ALOX12: variants seen among roughly 807,000 people sequenced by gnomAD.
ALOX12 encodes arachidonate 12-lipoxygenase, 12S type.
Under a neutral mutation model 85.5 loss-of-function variants are expected in ALOX12, and 62 were observed. The ratio of observed to expected loss-of-function variants is 0.73; its 90% CI spans 0.59 to 0.90. The LOEUF is 0.90. Among genes scored for constraint, ALOX12 ranks in the 40% least tolerant of loss-of-function variants. The pLI, the probability that ALOX12 is intolerant of heterozygous loss-of-function variation, is 0.00. For missense variants in ALOX12, 751 were observed against 856.5 expected (o/e 0.88, Z 1.54); for synonymous variants, 299 against 332.7 (o/e 0.90, Z 1.10).
rs1026092589 is a variant in ALOX12 at position 7,010,504 on chromosome 17, AG to A, written c.*82del. On this transcript the variant is annotated 3_prime_UTR_variant, in exon 14 of 14. Coordinates refer to ENST00000251535, the MANE Select transcript of ALOX12 (RefSeq NM_000697.3). The stretch of plus-strand genomic sequence containing the variant: ...TATCTTGAATTTCATGCTTTCCTAA[AG>A]TCTCTGCTGCTAAGGCTCTATTTCC... 4.0e-6 allele frequency: 6 copies of A among 1,507,602 alleles called. No homozygotes were observed. The African/African-American group carries it at 8.3e-5, about 21-fold the overall frequency. 93.4% of individuals were successfully genotyped at this position (1,507,602 alleles called of 1,614,324 possible). A position where few individuals can be genotyped will look rare whatever the true frequency, so the allele number is the denominator to read the frequency against.
chr17:7,004,160 A>T (rs1597323131), intron 8 of ALOX12, among the ~76,000 whole-genome samples: 1 of 115,406 alleles, frequency 8.7e-6, no homozygotes, highest in African/African-American at 3.2e-5. Context: ...ATAAATTTAA[A>T]TTTAAAATTT....
At chr17:7,007,868 G>A (rs567746630) in intron 11 of ALOX12, among the ~76,000 whole-genome samples, 2 of 151,964 alleles carry the variant, frequency 1.3e-5, no homozygotes, top group Non-Finnish European at 2.9e-5. Context: ...GCAACAGAGC[G>A]AAACTCCGTC....
rs1199547567 is a variant in ALOX12, at chr17:6,996,218, A to G, written c.101A>G (p.Glu34Gly). The change falls in exon 1 of 14, where the codon GAG (glutamate) becomes GGG (glycine). Residue 34 changes from glutamate (E) to glycine (G), a missense_variant. Transcript: ENST00000251535. Reference protein sequence around the residue: ...LWLVGTRGEAELELQLRPARG... With the variant: ...LWLVGTRGEAGLELQLRPARG... ...CTGGTCGGGACGCGCGGGGAGGCGG[A>G]GCTGGAGCTGCAGCTGCGGCCCGCG... The G allele has an allele frequency of 3.2e-6, 4 of 1,249,554 alleles. No individual in the cohort carries two copies. The highest frequency in any genetic ancestry group is 3.2e-5 in the East Asian group (1 of 31,664). 77.4% of individuals were successfully genotyped at this position (1,249,554 alleles called of 1,614,324 possible).
In ALOX12 at chr17:7,000,462, C is replaced by A; in HGVS notation, c.934C>A (p.Gln312Lys). The change falls in exon 7 of 14, where the codon CAG (glutamine) becomes AAG (lysine). Residue 312 changes from glutamine to lysine, a missense_variant. Transcript: ENST00000251535. The surrounding 1 kb of genome is among the most constrained non-coding windows in gnomAD (Gnocchi z 4.6). ...MLKMEPNGKLQPMVIQIQPPN... is the reference protein window; with the variant it reads ...MLKMEPNGKLKPMVIQIQPPN... ...GAAGATGGAGCCCAATGGGAAGCTG[C>A]AGCCCATGGTCATCCAGGTAAGGGC... The A allele has an allele frequency of 1.2e-6, 2 of 1,613,928 alleles. No homozygotes were observed. Among genetic ancestry groups the A allele is most frequent in the Non-Finnish European group, 1.7e-6 (2 of 1,179,984 alleles).
rs1038071831 is a variant in ALOX12 at position 6,996,301 on chromosome 17, AGGCCCGGGCCGAGCTG to A, written c.135+53_135+68del. The A allele has an allele frequency of 4.9e-6, 6 of 1,217,722 alleles. No homozygotes were observed. In the African/African-American group the frequency reaches 9.5e-5, roughly 19 times the overall value. 75.4% of individuals were successfully genotyped at this position (1,217,722 alleles called of 1,614,324 possible). A position where few individuals can be genotyped will look rare whatever the true frequency, so the allele number is the denominator to read the frequency against. On this transcript the variant is annotated intron_variant, in intron 1 of 13. Coordinates refer to ENST00000251535, the MANE Select transcript of ALOX12 (RefSeq NM_000697.3). ...CTAGGGCAGCGGGGACCCCGGGCCCAGGCCCGGGCCGAGCTGGGCTCGCGGCGGGAGGGCGGGAGGC... is the reference window on the plus strand; with the variant it reads ...CTAGGGCAGCGGGGACCCCGGGCCCAGGCTCGCGGCGGGAGGGCGGGAGGC...
At chr17:6,997,762 G>A (rs1008714695) in intron 2 of ALOX12, among the ~76,000 whole-genome samples, 7 of 151,798 alleles carry the variant, frequency 4.6e-5, no homozygotes, top group African/African-American at 1.2e-4. Flanking sequence ...GAGTTTCACC[G>A]TATTAGCCAG....
At chr17:6,999,148 G>T (rs1048932819) in intron 5 of ALOX12, 92 bp downstream of exon 5, 37 of 1,492,852 alleles carry the variant, frequency 2.5e-5, no homozygotes, top group Non-Finnish European at 3.4e-5. Flanking sequence ...TTTGCAAGAA[G>T]AGACCTTATC....
intron 10 of ALOX12, among the ~76,000 whole-genome samples, 181 bp from the exon 11 acceptor site, chr17:7,006,305 T>A (rs1909075322): frequency 6.6e-6 from 1 of 151,940 alleles, no homozygotes; most frequent in South Asian, 2.1e-4. Flanking sequence ...ACCATGCGAA[T>A]TCCTAGAACT....
chr17:7,001,863 C>G, intron 8 of ALOX12, 52 bp downstream of exon 8: 1 of 1,507,000 alleles, frequency 6.6e-7, no homozygotes. Context: ...GAGAGAGGAA[C>G]AGCCCCATAT....
chr17:6,996,460 T>A (rs1908443478), intron 1 of ALOX12, among the ~76,000 whole-genome samples: 1 of 151,938 alleles, frequency 6.6e-6, no homozygotes, highest in African/African-American at 2.4e-5. Context: ...CAACCCCATC[T>A]CCCTTTCCCG....
intron 2 of ALOX12, among the ~76,000 whole-genome samples, chr17:6,997,852 G>A (rs1908530196): frequency 6.6e-6 from 1 of 152,056 alleles, no homozygotes; most frequent in African/African-American, 2.4e-5. Context: ...GAGCCACCAC[G>A]CCCGGCCCAA....
Position 6,999,631 on chromosome 17 carries a change from T to C in ALOX12, c.807+165T>C. On this transcript the variant is annotated intron_variant, in intron 6 of 13. Coordinates refer to ENST00000251535, the MANE Select transcript of ALOX12 (RefSeq NM_000697.3). ...AAATAAAATATGTAGGGGAAGAAAC[T>C]ATGAGGAGCTCCCAGCAGGAAGGGG... 4.5e-6 allele frequency: 3 copies of C among 673,914 alleles called. No homozygotes were observed. In the South Asian group the frequency reaches 6.1e-5, roughly 14 times the overall value. The allele number at this position is 673,914 out of a possible 1,614,324, so 41.7% of individuals were successfully genotyped here.
chr17:7,009,291 CCTCGTGAT>C (rs371387489), intron 11 of ALOX12, among the ~76,000 whole-genome samples: 70 of 151,770 alleles, frequency 4.6e-4, no homozygotes, highest in African/African-American at 1.7e-3. Context: ...GATCTCCTGA[CCTCGTGAT>C]CCGCCCATCT....
intron 8 of ALOX12, 108 bp from the exon 9 acceptor site, chr17:7,005,148 TA>T: frequency 2.1e-6 from 2 of 970,850 alleles, no homozygotes; most frequent in Non-Finnish European, 3.3e-6. Context: ...GATCAGCCTG[TA>T]AAGGAAAGCA....
chr17:7,002,305 T>C (rs13396), intron 8 of ALOX12: 200,498 of 342,200 alleles, frequency 0.59, 59,053 homozygotes, highest in Admixed American at 0.67. Context: ...TGCCCAACAG[T>C]AAGGTGGATA....
intron 1 of ALOX12, 32 bp downstream of exon 1, chr17:6,996,284 G>A (rs375051192): frequency 4.9e-5 from 60 of 1,225,628 alleles, no homozygotes; most frequent in Non-Finnish European, 5.9e-5. Context: ...AGCTAGGGCA[G>A]CGGGGACCCC....
chr17:7,005,156 A>C, intron 8 of ALOX12, 101 bp from the exon 9 acceptor site: 1 of 1,004,944 alleles, frequency 1.0e-6, no homozygotes, highest in Non-Finnish European at 1.6e-6. Context: ...TGTAAAGGAA[A>C]GCATCAAGAG....
intron 8 of ALOX12, chr17:7,002,472 T>A: frequency 2.1e-6 from 1 of 469,084 alleles, no homozygotes; most frequent in Non-Finnish European, 4.4e-6. Flanking sequence ...GGGGCAGGTG[T>A]GTTATACTGA....
chr17:7,001,014 T>C (rs2151640658), intron 7 of ALOX12: 1 of 155,890 alleles, frequency 6.4e-6, no homozygotes, highest in East Asian at 1.9e-4. Context: ...TTGTGTGATC[T>C]TGGCTCACTG....
Sources: allele counts gnomAD v4.1 joint callset (sites outside exome capture counted in the v4.1 genomes callset), GRCh38; gene constraint gnomAD v4.1.1; non-coding constraint Gnocchi (gnomAD v3.1); transcripts MANE v1.5; gene names NCBI Gene and HGNC (gene_info 2026-07-23, HGNC 2026-07-21).